The following KCNIP1 variants were observed in gnomAD, a reference collection of about 807,000 sequenced individuals.
KCNIP1 encodes A-type potassium channel modulatory protein KCNIP1.
KCNIP1 carries 18 observed loss-of-function variants against 33.0 expected under a neutral mutation model. That is an observed-to-expected ratio of 0.55 (90% CI 0.38 to 0.81). KCNIP1 has a LOEUF of 0.81. KCNIP1 is among the 30% of genes least tolerant of loss of function. KCNIP1 has a pLI of 0.00. For synonymous variants in KCNIP1, 93 were observed against 98.3 expected, an observed-to-expected ratio of 0.95 and a Z score of 0.32; for missense variants, 238 against 271.6, an observed-to-expected ratio of 0.88 and a Z score of 0.87.
chr5:170,481,843 C>T (rs1405676680), intron 1 of KCNIP1, among the ~76,000 whole-genome samples: 1 of 152,180 alleles, frequency 6.6e-6, no homozygotes, highest in African/African-American at 2.4e-5. Context: ...TTCATAGTGA[C>T]AAGAAGGAAC....
intron 1 of KCNIP1, among the ~76,000 whole-genome samples, chr5:170,648,365 C>T (rs536509427): frequency 6.6e-6 from 1 of 152,268 alleles, no homozygotes; most frequent in Admixed American, 6.5e-5. Context: ...ATTGACAAAA[C>T]TTGTAGGCCA....
chr5:170,618,536 A>AGGG (rs1759481715), intron 1 of KCNIP1, among the ~76,000 whole-genome samples: 1 of 32,400 alleles, frequency 3.1e-5, no homozygotes, highest in Non-Finnish European at 5.8e-5. Flanking sequence ...GGGAGGGAGG[A>AGGG]AAGGAGGGAG....
intron 1 of KCNIP1, among the ~76,000 whole-genome samples, chr5:170,598,262 G>A (rs988597580): frequency 6.6e-6 from 1 of 152,316 alleles, no homozygotes; most frequent in East Asian, 1.9e-4. Context: ...GAAGCTGGGA[G>A]GAGGCAGGAA....
At chr5:170,532,833 CT>C (rs1401391844) in intron 1 of KCNIP1, among the ~76,000 whole-genome samples, 23 of 152,192 alleles carry the variant, frequency 1.5e-4, no homozygotes. Flanking sequence ...GTCTTCCTTT[CT>C]TTCTGATCCT....
chr5:170,410,516 C>CT (rs1214415969), intron 1 of KCNIP1, among the ~76,000 whole-genome samples: 1 of 143,960 alleles, frequency 6.9e-6, no homozygotes, highest in African/African-American at 2.6e-5. Flanking sequence ...TTTTTTTTTT[C>CT]TTTTTTAGCT....
intron 1 of KCNIP1, among the ~76,000 whole-genome samples, chr5:170,710,199 G>T (rs1256050258): frequency 6.6e-6 from 1 of 152,136 alleles, no homozygotes; most frequent in African/African-American, 2.4e-5. Flanking sequence ...TTGTGCATCT[G>T]TCTGTGCATT....
chr5:170,692,325 TC>T (rs2113817570), intron 1 of KCNIP1, among the ~76,000 whole-genome samples: 1 of 152,274 alleles, frequency 6.6e-6, no homozygotes, highest in South Asian at 2.1e-4. Flanking sequence ...TGCAAGCTTT[TC>T]CCAGGCCTTT....
chr5:170,705,424 G>A (rs549370927), intron 1 of KCNIP1, among the ~76,000 whole-genome samples: 5 of 152,300 alleles, frequency 3.3e-5, no homozygotes, highest in African/African-American at 1.2e-4. Flanking sequence ...CTAAGAGATG[G>A]CCCGTAACAG....
chr5:170,603,191 C>T (rs934587489), intron 1 of KCNIP1, among the ~76,000 whole-genome samples: 2 of 152,232 alleles, frequency 1.3e-5, no homozygotes, highest in East Asian at 1.9e-4. Context: ...AATCCCTTTC[C>T]GTTGCTTGGC....
intron 1 of KCNIP1, among the ~76,000 whole-genome samples, chr5:170,427,545 T>C (rs935806805): frequency 2.6e-5 from 4 of 152,168 alleles, no homozygotes; most frequent in Non-Finnish European, 5.9e-5. Flanking sequence ...CAGCCTGCCA[T>C]GGGGAAGAGA....
At chr5:170,600,197 ACTGTT>A (rs1488707663) in intron 1 of KCNIP1, among the ~76,000 whole-genome samples, 4 of 152,084 alleles carry the variant, frequency 2.6e-5, no homozygotes, top group Non-Finnish European at 5.9e-5. Flanking sequence ...TCCTTACGCT[ACTGTT>A]CTTAATCCCG....
intron 1 of KCNIP1, among the ~76,000 whole-genome samples, chr5:170,718,478 A>G (rs1236235574): frequency 1.3e-5 from 2 of 152,224 alleles, no homozygotes. Context: ...AAAGCAAGGA[A>G]AATGTTTTCA....
At chr5:170,617,556 T>C (rs948383404) in intron 1 of KCNIP1, among the ~76,000 whole-genome samples, 18 of 152,156 alleles carry the variant, frequency 1.2e-4, no homozygotes, top group Non-Finnish European at 2.1e-4. Context: ...CTTCTAGAGA[T>C]AGTGTTCACA....
intron 1 of KCNIP1, among the ~76,000 whole-genome samples, chr5:170,586,326 G>A (rs1280533751): frequency 6.6e-6 from 1 of 152,180 alleles, no homozygotes; most frequent in Admixed American, 6.5e-5. Context: ...ATTAGGTGCA[G>A]GATTAAGGTG....
chr5:170,632,709 G>A (rs1277504004), intron 1 of KCNIP1, among the ~76,000 whole-genome samples: 2 of 152,240 alleles, frequency 1.3e-5, no homozygotes, highest in African/African-American at 4.8e-5. Flanking sequence ...TTCTCTGGGG[G>A]GACATTTAAT....
At chr5:170,633,932 G>A (rs1299881205) in intron 1 of KCNIP1, among the ~76,000 whole-genome samples, 1 of 152,182 alleles carries the variant, frequency 6.6e-6, no homozygotes, top group Non-Finnish European at 1.5e-5. Context: ...AGGGCAGAGT[G>A]TGAAAAGCGC....
At chr5:170,732,283 A>AGGT in intron 5 of KCNIP1, among the ~76,000 whole-genome samples, 1 of 152,222 alleles carries the variant, frequency 6.6e-6, no homozygotes. Flanking sequence ...CCGAGTCCTA[A>AGGT]GGTTCTCTGA....
chr5:170,463,059 A>G (rs138668855), intron 1 of KCNIP1, among the ~76,000 whole-genome samples: 72 of 152,282 alleles, frequency 4.7e-4, no homozygotes, highest in African/African-American at 1.7e-3. Flanking sequence ...AATCTCACAA[A>G]TCACCACCAA....
At chr5:170,361,417 C>T (rs1409652439) in intron 1 of KCNIP1, among the ~76,000 whole-genome samples, 1 of 152,214 alleles carries the variant, frequency 6.6e-6, no homozygotes, top group Admixed American at 6.5e-5. Context: ...CCTTCCTTCT[C>T]TGTTAGGATG....
Sources: gnomAD v4.1 joint callset for allele counts (sites outside exome capture counted in the v4.1 genomes callset) on GRCh38, gnomAD v4.1.1 for gene constraint, MANE v1.5 for transcripts, NCBI Gene and HGNC (gene_info 2026-07-23, HGNC 2026-07-21) for gene names.